Variants in RBFOX1 observed in about 807,000 individuals in gnomAD.
The protein encoded by RBFOX1 is RNA binding protein fox-1 homolog 1.
In RBFOX1, 8 loss-of-function variants were observed where a neutral mutation model predicts 57.7. That is an observed-to-expected ratio of 0.14 (90% CI 0.08 to 0.25). RBFOX1 has a LOEUF of 0.25. Among genes scored for constraint, RBFOX1 ranks in the 10% least tolerant of loss-of-function variants. The pLI, the probability that RBFOX1 is intolerant of heterozygous loss-of-function variation, is 1.00. For synonymous variants in RBFOX1, 326 were observed against 222.4 expected (o/e 1.47, Z -4.15); for missense variants, 611 against 548.5 (o/e 1.11, Z -1.14).
intron 5 of RBFOX1, among the ~76,000 whole-genome samples, chr16:7,546,009 G>T (rs1448801829): frequency 4.9e-5 from 4 of 81,954 alleles, no homozygotes; most frequent in African/African-American, 1.6e-4. Context: ...GTGACTCTGA[G>T]CTTATAAAAA....
chr16:6,848,694 A>G lies in RBFOX1; in HGVS notation c.-16+194044A>G, dbSNP rs533852040. On this transcript the variant is annotated intron_variant, in intron 3 of 15. Transcript: ENST00000550418. ...CCTAGGTAGATAGCTGGGCAGATGG[A>G]TGGAATGAGAGATAATAGATGGATA... Among the ~76,000 whole-genome samples, 43 of 152,236 alleles carry G rather than the reference A, an allele frequency of 2.8e-4. 1 individual carries two copies. The highest frequency in any genetic ancestry group is 9.9e-4 in the African/African-American group (41 of 41,554).
intron 2 of RBFOX1, among the ~76,000 whole-genome samples, chr16:6,603,637 C>T (rs1319416353): frequency 1.3e-5 from 2 of 152,160 alleles, no homozygotes; most frequent in East Asian, 1.9e-4. Context: ...CTATGTGCAG[C>T]TGGGGGTTAT....
chr16:5,560,233 T>C (rs1338751128), intron 2 of RBFOX1, among the ~76,000 whole-genome samples: 1 of 150,784 alleles, frequency 6.6e-6, no homozygotes, highest in Non-Finnish European at 1.5e-5. Context: ...TCAGCTCATA[T>C]GTCACTTCCT....
intron 1 of RBFOX1, among the ~76,000 whole-genome samples, chr16:6,034,809 C>A (rs927180392): frequency 6.6e-6 from 1 of 152,050 alleles, no homozygotes; most frequent in African/African-American, 2.4e-5. Flanking sequence ...GTGGAGTAGA[C>A]CCTGCTCTCA....
At chr16:6,739,955 A>C (rs2071556692) in intron 3 of RBFOX1, among the ~76,000 whole-genome samples, 1 of 152,216 alleles carries the variant, frequency 6.6e-6, no homozygotes, top group East Asian at 1.9e-4. Context: ...GGACAAAGAA[A>C]GTAACAAAAG....
rs543205909 is a variant in RBFOX1, at chr16:6,399,168, G to A, written c.-64+82111G>A. Among the ~76,000 whole-genome samples the A allele has an allele frequency of 1.3e-4, 20 of 152,338 alleles. No individual in the cohort carries two copies. The East Asian group carries it at 2.1e-3, about 16-fold the overall frequency. ...CCATGGCTGGAGCTGAAGCAGCTGG[G>A]ATGCAGGGGACCATGTCCCGAGGCA... On this transcript the variant is annotated intron_variant, in intron 2 of 15. Transcript: ENST00000550418.
At chr16:6,413,215 C>T (rs905875973) in intron 2 of RBFOX1, among the ~76,000 whole-genome samples, 12 of 150,244 alleles carry the variant, frequency 8.0e-5, no homozygotes, top group South Asian at 2.1e-4. Flanking sequence ...GAGACTTGGG[C>T]GGCTGAGGCA....
At chr16:5,280,247 G>T (rs1316723659) in intron 1 of RBFOX1, among the ~76,000 whole-genome samples, 2 of 152,154 alleles carry the variant, frequency 1.3e-5, no homozygotes, top group Non-Finnish European at 1.5e-5. Flanking sequence ...GTATTGATTT[G>T]TGTATGTTGA....
At chr16:6,319,262 G>A (rs1323442207) in intron 2 of RBFOX1, among the ~76,000 whole-genome samples, 1 of 152,142 alleles carries the variant, frequency 6.6e-6, no homozygotes, top group African/African-American at 2.4e-5. Flanking sequence ...ATTGGCTTCA[G>A]AAAATTAATT....
intron 4 of RBFOX1, among the ~76,000 whole-genome samples, chr16:7,055,852 T>G (rs79518559): frequency 0.022 from 3,309 of 152,212 alleles, 111 homozygotes; most frequent in African/African-American, 0.074. Flanking sequence ...GGGTGCTGGT[T>G]TCCTGTCATT....
chr16:6,497,981 G>T (rs568765779), intron 2 of RBFOX1, among the ~76,000 whole-genome samples: 81 of 152,154 alleles, frequency 5.3e-4, no homozygotes, highest in Admixed American at 9.2e-4. Context: ...AGGCACAGTG[G>T]TTCATGCCTG....
chr16:6,993,838 A>C (rs144010348), intron 3 of RBFOX1, among the ~76,000 whole-genome samples: 124 of 152,282 alleles, frequency 8.1e-4, no homozygotes, highest in African/African-American at 2.8e-3. Flanking sequence ...GAACACTCCA[A>C]AATGCTTGTG....
intron 3 of RBFOX1, among the ~76,000 whole-genome samples, chr16:7,026,915 C>T (rs997301472): frequency 2.0e-5 from 3 of 152,152 alleles, no homozygotes; most frequent in Non-Finnish European, 2.9e-5. Context: ...TAGGGTAATA[C>T]CGGAGCTGGC....
chr16:6,885,487 A>T (rs925601832), intron 3 of RBFOX1, among the ~76,000 whole-genome samples: 7 of 152,144 alleles, frequency 4.6e-5, no homozygotes, highest in African/African-American at 1.7e-4. Context: ...TTCTTGACAA[A>T]GTCCAGGATG....
intron 2 of RBFOX1, among the ~76,000 whole-genome samples, chr16:6,501,675 T>C (rs896259174): frequency 3.8e-4 from 58 of 152,294 alleles, no homozygotes; most frequent in Admixed American, 2.0e-3. Context: ...CTCCTTCTCC[T>C]GACGTTTCTG....
At chr16:7,121,194 A>G (rs2067102262) in intron 4 of RBFOX1, among the ~76,000 whole-genome samples, 1 of 152,098 alleles carries the variant, frequency 6.6e-6, no homozygotes, top group African/African-American at 2.4e-5. Flanking sequence ...TATCTCCATT[A>G]GAGCAGGAAC....
In RBFOX1 at chr16:5,937,301, G is replaced by A. The variant is rs1171525694; in HGVS notation, c.351+69966G>A. 1.2e-4 allele frequency among the ~76,000 whole-genome samples: 19 copies of A among 152,118 alleles called. 1 individual carries two copies. Among genetic ancestry groups the A allele is most frequent in the Admixed American group, 1.2e-3 (19 of 15,270 alleles). ...TTGTGAACAAACTTGGCAAACACTG[G>A]AAAGAGAGAAGTGAGAAGACAGTAT... is the stretch of plus-strand genomic sequence containing the variant. On this transcript the variant is annotated intron_variant, in intron 4 of 19. Coordinates refer to the RBFOX1 transcript ENST00000641259.
At chr16:7,539,282 G>T (rs1467538514) in intron 5 of RBFOX1, among the ~76,000 whole-genome samples, 1 of 152,166 alleles carries the variant, frequency 6.6e-6, no homozygotes, top group Non-Finnish European at 1.5e-5. Context: ...GGTCGGTTAA[G>T]CTGTGTTCTG....
intron 3 of RBFOX1, among the ~76,000 whole-genome samples, chr16:6,789,437 G>A (rs1190598617): frequency 6.6e-6 from 1 of 152,122 alleles, no homozygotes; most frequent in Non-Finnish European, 1.5e-5. Context: ...TGAAGCGTGT[G>A]GAAGGCGAGA....
Sources: gnomAD v4.1 joint callset for allele counts (sites outside exome capture counted in the v4.1 genomes callset) on GRCh38, gnomAD v4.1.1 for gene constraint, MANE v1.5 for transcripts, NCBI Gene and HGNC (gene_info 2026-07-23, HGNC 2026-07-21) for gene names.